SPATA13: variants seen among roughly 807,000 people sequenced by gnomAD.
The protein encoded by SPATA13 is spermatogenesis associated 13, also known as spermatogenesis-associated protein 13.
SPATA13 carries 50 observed loss-of-function variants against 104.0 expected under a neutral mutation model. The observed-to-expected ratio is 0.48, with a 90% confidence interval of 0.38 to 0.61. SPATA13 has a LOEUF of 0.61. Ranked by LOEUF, SPATA13 falls within the 20% of genes least tolerant of loss-of-function variation. SPATA13 has a pLI of 0.00. For synonymous variants in SPATA13, 606 were observed against 667.5 expected (o/e 0.91, Z 1.42); for missense variants, 1,524 against 1,690.6 (o/e 0.90, Z 1.73).
intron 3 of SPATA13, among the ~76,000 whole-genome samples, chr13:24,094,912 G>A (rs1880023313): frequency 6.6e-6 from 1 of 152,238 alleles, no homozygotes; most frequent in Non-Finnish European, 1.5e-5. Context: ...AATACTAAGT[G>A]TTGGTGAGGA....
At chr13:24,301,618 T>C (rs7982225) in intron 12 of SPATA13, among the ~76,000 whole-genome samples, 5,446 of 152,202 alleles carry the variant, frequency 0.036, 342 homozygotes, top group African/African-American at 0.13. Flanking sequence ...TGTGCCTGGG[T>C]TATCTGATTT....
intron 2 of SPATA13, among the ~76,000 whole-genome samples, chr13:24,230,094 GAGATATTCTGTGA>G (rs1301340655): frequency 6.6e-6 from 1 of 152,122 alleles, no homozygotes; most frequent in Non-Finnish European, 1.5e-5. Context: ...CATGTGTGCA[GAGATATTCTGTGA>G]TTGGAGAGAA....
intron 2 of SPATA13, among the ~76,000 whole-genome samples, chr13:24,233,135 A>G (rs1872377260): frequency 2.0e-5 from 3 of 152,204 alleles, no homozygotes; most frequent in Admixed American, 2.0e-4. Flanking sequence ...AGAGAATGTA[A>G]GTTTCCATAT....
At chr13:23,985,555 G>A (rs1028908574) in intron 2 of SPATA13, among the ~76,000 whole-genome samples, 15 of 152,198 alleles carry the variant, frequency 9.9e-5, no homozygotes, top group Admixed American at 9.2e-4. Context: ...CCTAGCTCTG[G>A]TTGTGTCTGC....
chr13:24,210,066 T>C (rs1051073324), intron 1 of SPATA13, among the ~76,000 whole-genome samples: 2 of 152,184 alleles, frequency 1.3e-5, no homozygotes, highest in African/African-American at 2.4e-5. Flanking sequence ...GTGTGTCTTC[T>C]TTGAAAAAAT....
At chr13:24,103,525 G>GGA (rs377238152) in intron 3 of SPATA13, among the ~76,000 whole-genome samples, 16 of 145,754 alleles carry the variant, frequency 1.1e-4, no homozygotes, top group East Asian at 2.0e-4. Context: ...GAGCAGGGGA[G>GGA]GAGAGAGAGA....
chr13:24,091,143 T>C (rs9511042), intron 3 of SPATA13, among the ~76,000 whole-genome samples: 56,975 of 152,100 alleles, frequency 0.37, 11,200 homozygotes, highest in Non-Finnish European at 0.43. Context: ...TTCAGTACTC[T>C]AGCACACAGT....
rs1880669160 is a variant in SPATA13, at chr13:24,112,366, A to C, written c.-112+94665A>C. Among the ~76,000 whole-genome samples the C allele has an allele frequency of 2.0e-5, 3 of 152,182 alleles. No homozygotes were observed. In the South Asian group the frequency reaches 6.2e-4, roughly 32 times the overall value. The stretch of plus-strand genomic sequence containing the variant: ...TACAGCACCTTCTGTGCCACTCTGT[A>C]GTGCTCCCCACATTGTATGACAATC... On this transcript the variant is annotated intron_variant, in intron 3 of 14. Transcript: ENST00000424834.
At chr13:24,170,521 T>G (rs1882926275) in intron 1 of SPATA13, among the ~76,000 whole-genome samples, 2 of 152,152 alleles carry the variant, frequency 1.3e-5, no homozygotes, top group Non-Finnish European at 2.9e-5. Context: ...AGGTGCTACT[T>G]TCTATTTCTA....
At chr13:24,030,152 G>C (rs1167233489) in intron 3 of SPATA13, among the ~76,000 whole-genome samples, 3 of 151,878 alleles carry the variant, frequency 2.0e-5, no homozygotes, top group African/African-American at 4.8e-5. Flanking sequence ...TGGTGCATTT[G>C]TTAGAGCTGA....
At chr13:24,092,281 G>A (rs1879934629) in intron 3 of SPATA13, among the ~76,000 whole-genome samples, 1 of 152,132 alleles carries the variant, frequency 6.6e-6, no homozygotes, top group Non-Finnish European at 1.5e-5. Context: ...GGACATTCCG[G>A]CAGCTCTCTA....
At position 24,251,693 on chromosome 13, in the gene SPATA13, C is replaced by T. The variant is rs369976660; in HGVS notation, c.2020-25C>T. On this transcript the variant is annotated intron_variant, in intron 3 of 12. Transcript: ENST00000382108. ...GAGCTGCCACTTCCTGGTACCTCCT[C>T]ACAGATTTTGCTTTCTTTTTGCAGC... is the stretch of plus-strand genomic sequence containing the variant. The T allele has an allele frequency of 5.3e-4, 860 of 1,612,500 alleles. 11 individuals carry two copies. In the South Asian group the frequency reaches 9.2e-3, roughly 17 times the overall value.
intron 1 of SPATA13, among the ~76,000 whole-genome samples, chr13:24,186,441 A>G (rs1869154839): frequency 1.3e-5 from 2 of 152,216 alleles, no homozygotes; most frequent in Admixed American, 1.3e-4. Context: ...CTTCAAACCA[A>G]GAGGGAACAT....
rs1451749689 is a variant in SPATA13 at position 24,223,494 on chromosome 13, A to T, written c.565A>T (p.Thr189Ser). Residue 189 changes from threonine to serine, a missense_variant, in exon 2 of 13, where the codon ACG becomes TCG. By Grantham distance (58) the Thr-to-Ser change is moderately conservative. This residue lies in a region of SPATA13 where 1,089 missense variants were observed against 1,135.9 expected (regional missense o/e 0.96). Transcript: ENST00000382108. The part of the protein sequence containing the change: ...GTLDGSDLED[T>S]DDAFQRSTHR... ...ATTGGATGGCTCCGACCTCGAGGAC[A>T]CGGACGATGCCTTCCAGCGGAGCAC... 3.2e-6 allele frequency: 5 copies of T among 1,548,792 alleles called. No individual in the cohort carries two copies.
intron 2 of SPATA13, among the ~76,000 whole-genome samples, chr13:24,010,006 A>G (rs558260328): frequency 6.6e-6 from 1 of 152,330 alleles, no homozygotes; most frequent in Non-Finnish European, 1.5e-5. Context: ...CAGTTAGGGT[A>G]AAGCTTGGTT....
At chr13:24,074,939 T>C (rs1879279775) in intron 3 of SPATA13, among the ~76,000 whole-genome samples, 1 of 118,688 alleles carries the variant, frequency 8.4e-6, no homozygotes, top group African/African-American at 3.1e-5. Context: ...TTTGAACAGT[T>C]GGCTGCCTGT....
At chr13:24,233,588 T>G (rs965108869) in intron 2 of SPATA13, among the ~76,000 whole-genome samples, 1 of 152,190 alleles carries the variant, frequency 6.6e-6, no homozygotes, top group Non-Finnish European at 1.5e-5. Context: ...TGAAAGTAGC[T>G]TTTTACTTTA....
At chr13:24,094,815 T>G (rs1042185494) in intron 3 of SPATA13, among the ~76,000 whole-genome samples, 1 of 152,182 alleles carries the variant, frequency 6.6e-6, no homozygotes, top group African/African-American at 2.4e-5. Flanking sequence ...AAATAAAATC[T>G]ACATTGGTGA....
chr13:24,113,997 A>C (rs1880742522), intron 3 of SPATA13, among the ~76,000 whole-genome samples: 1 of 152,160 alleles, frequency 6.6e-6, no homozygotes, highest in South Asian at 2.1e-4. Context: ...TTGATCTTTC[A>C]TACAGATTAC....
Sources: gnomAD v4.1 joint callset for allele counts (sites outside exome capture counted in the v4.1 genomes callset) on GRCh38, gnomAD v4.1.1 for gene constraint, gnomAD v4.1.1 regional missense constraint, MANE v1.5 for transcripts, NCBI Gene and HGNC (gene_info 2026-07-23, HGNC 2026-07-21) for gene names.